Variants in IQCB1 observed in about 807,000 individuals in gnomAD.
IQCB1 encodes IQ motif containing B1.
IQCB1 carries 56 observed loss-of-function variants against 84.4 expected under a neutral mutation model. That is an observed-to-expected ratio of 0.66 (90% CI 0.54 to 0.83). IQCB1 has a LOEUF of 0.83. IQCB1 is among the 40% of genes least tolerant of loss of function. The pLI is 0.00. For missense variants in IQCB1, 629 were observed against 682.1 expected (o/e 0.92, Z 0.87); for synonymous variants, 210 against 234.8 (o/e 0.89, Z 0.96).
At chr3:121,784,084 T>C (rs1948612082) in intron 12 of IQCB1, among the ~76,000 whole-genome samples, 1 of 152,246 alleles carries the variant, frequency 6.6e-6, no homozygotes, top group Non-Finnish European at 1.5e-5. Flanking sequence ...CATTCACTTC[T>C]TGGAAATCTT....
chr3:121,817,966 T>C (rs1202148638), intron 5 of IQCB1, among the ~76,000 whole-genome samples: 1 of 152,136 alleles, frequency 6.6e-6, no homozygotes, highest in Admixed American at 6.6e-5. Flanking sequence ...GTGGGCCCCA[T>C]GAGGAAGTGG....
chr3:121,808,176 G>A (rs1949679697), intron 6 of IQCB1, among the ~76,000 whole-genome samples: 1 of 151,910 alleles, frequency 6.6e-6, no homozygotes, highest in Admixed American at 6.6e-5. Context: ...TTTGGAAAAT[G>A]GGAAATGGAG....
chr3:121,802,220 A>T (rs1355857220), intron 7 of IQCB1, among the ~76,000 whole-genome samples: 2 of 151,976 alleles, frequency 1.3e-5, no homozygotes, highest in Admixed American at 1.3e-4. Context: ...TTCTTCCTGA[A>T]GTGCTTAATA....
intron 10 of IQCB1, among the ~76,000 whole-genome samples, chr3:121,792,283 T>A (rs919841128): frequency 2.0e-5 from 3 of 152,174 alleles, no homozygotes; most frequent in African/African-American, 7.2e-5. Context: ...AATTTAGGCA[T>A]GTAGGCTATC....
At chr3:121,786,299 A>G (rs1006258191) in intron 12 of IQCB1, among the ~76,000 whole-genome samples, 2 of 151,116 alleles carry the variant, frequency 1.3e-5, no homozygotes, top group Non-Finnish European at 2.9e-5. Context: ...TTATTTTCTC[A>G]GTGTACTTTC....
chr3:121,796,495 T>C (rs925434270), intron 9 of IQCB1, among the ~76,000 whole-genome samples: 19 of 152,114 alleles, frequency 1.2e-4, no homozygotes, highest in Admixed American at 6.6e-5. Flanking sequence ...ATTTTGAGTA[T>C]GCTAGAGGAA....
At chr3:121,792,124 A>T (rs1163428374) in intron 10 of IQCB1, among the ~76,000 whole-genome samples, 1 of 152,118 alleles carries the variant, frequency 6.6e-6, no homozygotes, top group Non-Finnish European at 1.5e-5. Context: ...TCTGTTTCTA[A>T]CTTCTAATTG....
intron 11 of IQCB1, among the ~76,000 whole-genome samples, chr3:121,788,661 G>C (rs1483178786): frequency 2.0e-5 from 3 of 146,470 alleles, no homozygotes; most frequent in Non-Finnish European, 4.5e-5. Flanking sequence ...TTTTGTGGTA[G>C]AGTAATAAGA....
At chr3:121,811,852 G>C (rs1384885589) in intron 5 of IQCB1, among the ~76,000 whole-genome samples, 1 of 152,204 alleles carries the variant, frequency 6.6e-6, no homozygotes, top group Non-Finnish European at 1.5e-5. Flanking sequence ...AGTTTCAGCA[G>C]ACTTAAATGT....
intron 7 of IQCB1, among the ~76,000 whole-genome samples, chr3:121,801,317 A>G (rs968432301): frequency 6.6e-6 from 1 of 152,090 alleles, no homozygotes; most frequent in Non-Finnish European, 1.5e-5. Context: ...TTTTTCACAA[A>G]TAAAGCTCAA....
chr3:121,778,703 C>A (rs752909345), intron 13 of IQCB1, among the ~76,000 whole-genome samples: 2 of 151,742 alleles, frequency 1.3e-5, no homozygotes, highest in African/African-American at 4.8e-5. Context: ...GTCAGGAGTT[C>A]GAGACCAGCC....
intron 13 of IQCB1, among the ~76,000 whole-genome samples, chr3:121,776,479 T>G (rs1036664502): frequency 1.3e-5 from 2 of 152,276 alleles, no homozygotes; most frequent in African/African-American, 2.4e-5. Flanking sequence ...AAGTGGTGAC[T>G]CTGCCACATG....
At chr3:121,808,876 C>T in intron 6 of IQCB1, 40 bp downstream of exon 6, 1 of 1,222,792 alleles carries the variant, frequency 8.2e-7, no homozygotes, top group Non-Finnish European at 1.2e-6. Context: ...GCAGTTGACT[C>T]TACAATAGCT....
chr3:121,801,039 C>T (rs987511865), intron 7 of IQCB1, among the ~76,000 whole-genome samples: 11 of 151,940 alleles, frequency 7.2e-5, no homozygotes, highest in African/African-American at 2.7e-4. Flanking sequence ...CCTCTACCTT[C>T]CACCCATACT....
rs1949720412 is a variant in IQCB1, at chr3:121,809,015, C to T, written c.394-6G>A. ...AATTCATCTTTTTCTTCAGCCTTAA[C>T]ATAAAAGATAAGCCCAGTTTACTTT... On this transcript the variant is annotated splice_polypyrimidine_tract_variant and splice_region_variant and intron_variant, in intron 5 of 14. Coordinates refer to ENST00000310864, the MANE Select transcript of IQCB1 (RefSeq NM_001023570.4). 1 of 1,534,810 alleles carries T rather than the reference C, an allele frequency of 6.5e-7. No individual in the cohort carries two copies.
intron 9 of IQCB1, 93 bp downstream of exon 9, chr3:121,797,025 T>A (rs1012150302): frequency 2.4e-5 from 19 of 782,776 alleles, no homozygotes; most frequent in Non-Finnish European, 4.3e-5. Flanking sequence ...GCTTGAAATC[T>A]TAAGAGAAAG....
At chr3:121,810,357 C>T (rs1357039785) in intron 5 of IQCB1, among the ~76,000 whole-genome samples, 1 of 152,068 alleles carries the variant, frequency 6.6e-6, no homozygotes, top group Non-Finnish European at 1.5e-5. Context: ...AAGTTTTTGC[C>T]ACATCTTTTT....
chr3:121,804,058 C>T (rs950044132), intron 7 of IQCB1, among the ~76,000 whole-genome samples: 7 of 151,484 alleles, frequency 4.6e-5, no homozygotes, highest in African/African-American at 1.7e-4. Context: ...CCTTTGTTGG[C>T]TTATCAGCTG....
intron 7 of IQCB1, among the ~76,000 whole-genome samples, chr3:121,804,558 T>C (rs1322842279): frequency 6.6e-6 from 1 of 152,288 alleles, no homozygotes; most frequent in Non-Finnish European, 1.5e-5. Context: ...TTTACTTGTG[T>C]TGTTTCTGAT....
Sources: gnomAD v4.1 joint callset for allele counts (sites outside exome capture counted in the v4.1 genomes callset) on GRCh38, gnomAD v4.1.1 for gene constraint, MANE v1.5 for transcripts, NCBI Gene and HGNC (gene_info 2026-07-23, HGNC 2026-07-21) for gene names.